Variants in TYW1B observed in about 807,000 individuals in gnomAD.
TYW1B encodes the protein tRNA-yW synthesizing protein 1 homolog B, also known as S-adenosyl-L-methionine-dependent tRNA 4-demethylwyosine synthase TYW1B.
Under a neutral mutation model 86.9 loss-of-function variants are expected in TYW1B, and 73 were observed. The observed-to-expected ratio is 0.84, with a 90% CI of 0.70 to 1.02. TYW1B has a LOEUF of 1.02. Among genes scored for constraint, TYW1B ranks in the 50% least tolerant of loss-of-function variants. TYW1B has a pLI of 0.00. For synonymous variants in TYW1B, 248 were observed against 292.8 expected (o/e 0.85, Z 1.56); for missense variants, 637 against 827.4 (o/e 0.77, Z 2.82).
chr7:72,796,757 CA>C (rs1788312131), intron 6 of TYW1B, among the ~76,000 whole-genome samples: 1 of 150,480 alleles, frequency 6.6e-6, no homozygotes, highest in African/African-American at 2.4e-5. Flanking sequence ...AGCCCTTTAT[CA>C]TAAGGAATGC....
At chr7:72,717,434 C>T (rs1786812097) in intron 9 of TYW1B, among the ~76,000 whole-genome samples, 1 of 152,080 alleles carries the variant, frequency 6.6e-6, no homozygotes, top group African/African-American at 2.4e-5. Flanking sequence ...ACCTGCATTC[C>T]ACAGGAAGCG....
intron 7 of TYW1B, among the ~76,000 whole-genome samples, chr7:72,772,168 C>A (rs1486362624): frequency 1.3e-5 from 2 of 151,452 alleles, no homozygotes; most frequent in African/African-American, 4.9e-5. Flanking sequence ...TAAATTAATC[C>A]AAAAATTATA....
intron 13 of TYW1B, 131 bp from the exon 14 acceptor site, chr7:72,575,850 A>G (rs1811010566): frequency 7.2e-7 from 1 of 1,392,996 alleles, no homozygotes; most frequent in Non-Finnish European, 9.6e-7. Flanking sequence ...ACAAAAACAA[A>G]CACAAAAAAA....
intron 13 of TYW1B, among the ~76,000 whole-genome samples, chr7:72,613,451 A>G (rs1416109488): frequency 2.8e-4 from 31 of 112,592 alleles, no homozygotes; most frequent in African/African-American, 1.1e-3. Flanking sequence ...CCTTTCGCCC[A>G]GGCTGGAGTG....
At chr7:72,815,677 C>T (rs1193272610) in intron 2 of TYW1B, among the ~76,000 whole-genome samples, 196 bp from the exon 3 acceptor site, 1 of 152,084 alleles carries the variant, frequency 6.6e-6, no homozygotes, top group Non-Finnish European at 1.5e-5. Context: ...GTTGTTCTCA[C>T]CCGATCAGGG....
intron 11 of TYW1B, among the ~76,000 whole-genome samples, chr7:72,685,958 C>T (rs1813998025): frequency 6.6e-6 from 1 of 152,090 alleles, no homozygotes; most frequent in Admixed American, 6.6e-5. Context: ...AAATGAACAA[C>T]CCAATTAAAA....
chr7:72,825,490 C>T (rs552449309), intron 2 of TYW1B, among the ~76,000 whole-genome samples: 2 of 152,126 alleles, frequency 1.3e-5, no homozygotes, highest in Admixed American at 1.3e-4. Flanking sequence ...AGCAGCCCAG[C>T]CAACGTGGCA....
intron 13 of TYW1B, among the ~76,000 whole-genome samples, chr7:72,577,720 G>A (rs781824675): frequency 2.6e-5 from 4 of 152,052 alleles, no homozygotes; most frequent in African/African-American, 7.3e-5. Context: ...TCACACAGAC[G>A]GCCTGAGACT....
chr7:72,776,951 G>A (rs1554470685), intron 7 of TYW1B, among the ~76,000 whole-genome samples: 1 of 151,992 alleles, frequency 6.6e-6, no homozygotes, highest in Non-Finnish European at 1.5e-5. Context: ...GAAGTGGGGA[G>A]GGGGAAGAAG....
rs868921869 is a variant in TYW1B, at chr7:72,735,724, T to A, written c.1083-6793A>T. Among the ~76,000 whole-genome samples the A allele has an allele frequency of 2.7e-5, 4 of 150,644 alleles. No homozygotes were observed. In the South Asian group the frequency reaches 8.4e-4, roughly 32 times the overall value. On this transcript the variant is annotated intron_variant, in intron 8 of 13. Coordinates refer to ENST00000620995, the MANE Select transcript of TYW1B (RefSeq NM_001145440.3). The stretch of plus-strand genomic sequence containing the variant: ...ACCTCTACTAAAAATACAAAAATTA[T>A]CCGGGCTTGGTGGCGTGTGCCTGTA...
chr7:72,624,098 G>A (rs1288820597), intron 12 of TYW1B, among the ~76,000 whole-genome samples: 2 of 152,194 alleles, frequency 1.3e-5, no homozygotes, highest in African/African-American at 4.8e-5. Flanking sequence ...ACCAGGCCCA[G>A]CCAATGATTT....
intron 13 of TYW1B, among the ~76,000 whole-genome samples, chr7:72,580,475 TC>T (rs1433443028): frequency 1.3e-5 from 2 of 152,044 alleles, no homozygotes; most frequent in African/African-American, 4.8e-5. Context: ...ACTCAAAAGG[TC>T]ATAAATGATC....
At chr7:72,657,290 T>G (rs1813227157) in intron 11 of TYW1B, among the ~76,000 whole-genome samples, 1 of 151,974 alleles carries the variant, frequency 6.6e-6, no homozygotes, top group African/African-American at 2.4e-5. Flanking sequence ...TTGAAACAAC[T>G]CAGATTTTTT....
At chr7:72,685,120 A>AT (rs1197495337) in intron 11 of TYW1B, among the ~76,000 whole-genome samples, 4 of 151,972 alleles carry the variant, frequency 2.6e-5, no homozygotes, top group African/African-American at 9.7e-5. Context: ...TCGAAAAAAA[A>AT]AAAAAAAGAA....
chr7:72,747,478 A>G (rs1344515216), intron 7 of TYW1B, among the ~76,000 whole-genome samples: 1 of 152,212 alleles, frequency 6.6e-6, no homozygotes, highest in Non-Finnish European at 1.5e-5. Flanking sequence ...TTGTAAAAAA[A>G]ACAGTTAAAC....
chr7:72,789,689 C>T (rs1788187053), intron 6 of TYW1B, among the ~76,000 whole-genome samples: 1 of 151,792 alleles, frequency 6.6e-6, no homozygotes, highest in African/African-American at 2.4e-5. Context: ...GTTGCCGAGG[C>T]TGGTCTCAAA....
chr7:72,802,225 G>A (rs1167533664), intron 6 of TYW1B, among the ~76,000 whole-genome samples, 175 bp downstream of exon 6: 1 of 151,996 alleles, frequency 6.6e-6, no homozygotes, highest in Non-Finnish European at 1.5e-5. Flanking sequence ...AGGCCTGAGA[G>A]GGGAGATGCT....
At chr7:72,770,953 C>CTTTTTTTTTTTTTTT (rs202136569) in intron 7 of TYW1B, among the ~76,000 whole-genome samples, 3 of 87,482 alleles carry the variant, frequency 3.4e-5, no homozygotes, top group African/African-American at 9.0e-5. Context: ...TATGAATTTC[C>CTTTTTTTTTTTTTTT]TTTTTTTTTT....
intron 11 of TYW1B, among the ~76,000 whole-genome samples, chr7:72,689,115 A>G (rs561516183): frequency 1.5e-3 from 221 of 152,294 alleles, no homozygotes; most frequent in African/African-American, 5.0e-3. Flanking sequence ...GGAAACAGAT[A>G]TCCAGATTAG....
Sources: gnomAD v4.1 joint callset for allele counts (sites outside exome capture counted in the v4.1 genomes callset) on GRCh38, gnomAD v4.1.1 for gene constraint, MANE v1.5 for transcripts, NCBI Gene and HGNC (gene_info 2026-07-23, HGNC 2026-07-21) for gene names.